MCU: variants seen among roughly 807,000 people sequenced by gnomAD.
MCU encodes mitochondrial calcium uniporter.
In MCU, 12 loss-of-function variants were observed where a neutral mutation model predicts 45.2. The observed-to-expected ratio is 0.27, with a 90% confidence interval of 0.17 to 0.43. MCU has a LOEUF of 0.43. MCU is among the 20% of genes least tolerant of loss of function. The probability of loss-of-function intolerance (pLI) is 1.00; values close to 1 mark genes in which losing one functional copy is unlikely to be tolerated. For missense variants in MCU, 324 were observed against 436.7 expected (o/e 0.74, Z 2.30); for synonymous variants, 160 against 165.1 (o/e 0.97, Z 0.24).
At chr10:72,754,745 T>G (rs1330642604) in intron 1 of MCU, among the ~76,000 whole-genome samples, 1 of 152,124 alleles carries the variant, frequency 6.6e-6, no homozygotes, top group East Asian at 1.9e-4. Context: ...ATTACAGGCA[T>G]GAGCAGCCCA....
intron 2 of MCU, among the ~76,000 whole-genome samples, chr10:72,858,431 C>CA (rs36106165): frequency 4.0e-5 from 6 of 150,666 alleles, no homozygotes; most frequent in African/African-American, 1.5e-4. Flanking sequence ...TCTTGTCAGG[C>CA]AAAAAAAAGG....
chr10:72,865,705 A>G (rs1398470617), intron 4 of MCU, among the ~76,000 whole-genome samples: 1 of 151,598 alleles, frequency 6.6e-6, no homozygotes, highest in African/African-American at 2.4e-5. Flanking sequence ...CACGCCGGCA[A>G]ATTTTTTATT....
rs1246668697 is a variant in MCU at position 72,861,609 on chromosome 10, A to G, written c.496+1082A>G. 4 of 350,048 alleles carry G rather than the reference A, an allele frequency of 1.1e-5. 1 individual carries two copies. The highest frequency in any genetic ancestry group is 4.4e-5 in the South Asian group (2 of 45,300). The allele number at this position is 350,048 out of a possible 1,614,324, so 21.7% of individuals were successfully genotyped here. ...TGATCCATCCACCTTGGCCTCCCAA[A>G]GTGCTGTGATTACAGGCATGAGCCA... On this transcript the variant is annotated intron_variant, in intron 4 of 7. Transcript: ENST00000373053.
chr10:72,796,649 T>C (rs1382831984), intron 1 of MCU, among the ~76,000 whole-genome samples: 1 of 151,468 alleles, frequency 6.6e-6, no homozygotes, highest in East Asian at 1.9e-4. Flanking sequence ...GAGTAGGTAG[T>C]ACTACAGGTG....
chr10:72,884,167 C>A, intron 6 of MCU, 99 bp from the exon 7 acceptor site: 1 of 736,690 alleles, frequency 1.4e-6, no homozygotes, highest in Non-Finnish European at 2.4e-6. Flanking sequence ...CATGTCAGCA[C>A]ACACGCATAC....
chr10:72,703,680 A>C (rs1204909959), intron 1 of MCU, among the ~76,000 whole-genome samples: 1 of 152,130 alleles, frequency 6.6e-6, no homozygotes, highest in African/African-American at 2.4e-5. Flanking sequence ...GGAGGCAGGC[A>C]GATCACTTGA....
chr10:72,733,328 G>A (rs935688691), intron 1 of MCU, among the ~76,000 whole-genome samples: 1 of 152,100 alleles, frequency 6.6e-6, no homozygotes, highest in Non-Finnish European at 1.5e-5. Context: ...GTGGTGGCAC[G>A]TGCCTGTAAT....
intron 1 of MCU, among the ~76,000 whole-genome samples, chr10:72,752,056 GTCTCGATCTCCTGACTTCGTGA>G (rs1034219830): frequency 6.6e-6 from 1 of 151,486 alleles, no homozygotes; most frequent in Non-Finnish European, 1.5e-5. Context: ...AGCCAGGATG[GTCTCGATCTCCTGACTTCGTGA>G]TCCACCCCCC....
At chr10:72,784,815 G>A (rs538577538) in intron 1 of MCU, among the ~76,000 whole-genome samples, 1 of 152,216 alleles carries the variant, frequency 6.6e-6, no homozygotes, top group Non-Finnish European at 1.5e-5. Flanking sequence ...TGGGTGTGGG[G>A]AATCCCTCCT....
At chr10:72,714,565 A>G (rs1285955270) in intron 1 of MCU, among the ~76,000 whole-genome samples, 3 of 151,204 alleles carry the variant, frequency 2.0e-5, no homozygotes, top group Non-Finnish European at 4.4e-5. Flanking sequence ...TTTTTTTGAG[A>G]CAGAGTTTCC....
intron 1 of MCU, among the ~76,000 whole-genome samples, chr10:72,809,852 A>G (rs1457607942): frequency 6.6e-6 from 1 of 152,222 alleles, no homozygotes; most frequent in Non-Finnish European, 1.5e-5. Flanking sequence ...AAGTAAATTC[A>G]GGAACTCCTA....
At chr10:72,877,463 G>A (rs866277190) in intron 6 of MCU, among the ~76,000 whole-genome samples, 13 of 151,882 alleles carry the variant, frequency 8.6e-5, no homozygotes, top group East Asian at 1.9e-4. Context: ...TTTTAAAAAG[G>A]CTTCCACAAA....
chr10:72,729,113 C>G (rs1843137450), intron 1 of MCU, among the ~76,000 whole-genome samples: 1 of 152,082 alleles, frequency 6.6e-6, no homozygotes, highest in Non-Finnish European at 1.5e-5. Context: ...GGCTCTAAAC[C>G]CAAATGTACG....
intron 2 of MCU, among the ~76,000 whole-genome samples, chr10:72,844,969 A>G (rs1032094137): frequency 2.6e-5 from 4 of 152,184 alleles, no homozygotes; most frequent in Admixed American, 6.5e-5. Flanking sequence ...AAAAATTCAC[A>G]TGAAAGAGTA....
At chr10:72,739,868 G>A (rs1298479365) in intron 1 of MCU, among the ~76,000 whole-genome samples, 1 of 151,588 alleles carries the variant, frequency 6.6e-6, no homozygotes, top group African/African-American at 2.4e-5. Flanking sequence ...GTAGAGACAG[G>A]GTTTCACCCT....
At chr10:72,693,551 C>T (rs1842651786) in intron 1 of MCU, among the ~76,000 whole-genome samples, 1 of 152,176 alleles carries the variant, frequency 6.6e-6, no homozygotes, top group African/African-American at 2.4e-5. Context: ...CCAATGACAG[C>T]ATCAAAATCG....
At chr10:72,738,812 A>G (rs183503911) in intron 1 of MCU, among the ~76,000 whole-genome samples, 4 of 152,226 alleles carry the variant, frequency 2.6e-5, no homozygotes, top group African/African-American at 9.6e-5. Flanking sequence ...CCTTTTTACA[A>G]CGGAGCCTTT....
At chr10:72,772,950 G>T (rs1390346493) in intron 1 of MCU, among the ~76,000 whole-genome samples, 6 of 148,880 alleles carry the variant, frequency 4.0e-5, no homozygotes, top group Admixed American at 2.7e-4. Context: ...CTAGGCTGGA[G>T]TGCAGTGGCA....
At chr10:72,855,999 G>A (rs945908618) in intron 2 of MCU, among the ~76,000 whole-genome samples, 8 of 152,132 alleles carry the variant, frequency 5.3e-5, no homozygotes, top group African/African-American at 1.9e-4. Flanking sequence ...CCAGATGTTC[G>A]TCAACTGGAT....
Sources: gnomAD v4.1 joint callset for allele counts (sites outside exome capture counted in the v4.1 genomes callset) on GRCh38, gnomAD v4.1.1 for gene constraint, MANE v1.5 for transcripts, NCBI Gene and HGNC (gene_info 2026-07-23, HGNC 2026-07-21) for gene names.